Variants in RASGRF1 observed in about 807,000 individuals in gnomAD.
RASGRF1 encodes ras-specific guanine nucleotide-releasing factor 1.
In RASGRF1, 40 loss-of-function variants were observed where a neutral mutation model predicts 138.7. That is an observed-to-expected ratio of 0.29 (90% confidence interval 0.22 to 0.38). RASGRF1 has a LOEUF of 0.38. Among genes scored for constraint, RASGRF1 ranks in the 10% least tolerant of loss-of-function variants. RASGRF1 has a pLI of 1.00. For missense variants in RASGRF1, 1,108 were observed against 1,650.4 expected, an observed-to-expected ratio of 0.67 and a Z score of 5.69; for synonymous variants, 614 against 663.2, an observed-to-expected ratio of 0.93 and a Z score of 1.14.
chr15:79,000,472 C>A (rs941855857), intron 16 of RASGRF1, among the ~76,000 whole-genome samples: 6 of 152,022 alleles, frequency 3.9e-5, no homozygotes, highest in African/African-American at 1.5e-4. Flanking sequence ...CAGTAGTCTC[C>A]TTTGAATAAT....
chr15:78,989,561 A>G (rs1233128124), intron 22 of RASGRF1, among the ~76,000 whole-genome samples: 1 of 152,206 alleles, frequency 6.6e-6, no homozygotes, highest in East Asian at 1.9e-4. Flanking sequence ...CTAACATTAA[A>G]GAGAATTAAA....
chr15:79,025,515 G>T (rs371591852), intron 9 of RASGRF1, 41 bp from the exon 10 acceptor site: 1 of 1,584,418 alleles, frequency 6.3e-7, no homozygotes. Flanking sequence ...ATCTCCTGGG[G>T]TGACCTTTGC....
chr15:78,968,035 C>T (rs2055676579), intron 26 of RASGRF1, among the ~76,000 whole-genome samples: 1 of 152,078 alleles, frequency 6.6e-6, no homozygotes, highest in Non-Finnish European at 1.5e-5. Flanking sequence ...GACATTCACA[C>T]ATTGCATTTA....
chr15:79,006,199 C>A lies in RASGRF1; in HGVS notation c.2062G>T (p.Ala688Ser). The A allele has an allele frequency of 6.2e-7, 1 of 1,614,198 alleles. No individual in the cohort carries two copies. The highest frequency in any genetic ancestry group is 1.3e-5 in the African/African-American group (1 of 75,054). Residue 688 changes from alanine (A) to serine (S), a missense_variant, in exon 14 of 27, where the codon GCC (alanine) becomes TCC (serine). Physicochemically the swap from Ala to Ser is moderately conservative, Grantham distance 99. Transcript: ENST00000558480. This position sits in a 1 kb window ranked among gnomAD's most constrained non-coding sequence, Gnocchi z 4.0. The part of the protein sequence containing the change: ...LITIYKKPIS[A>S]IPARSLELLF... ...CACCTCAGCCACCTGGCAGGAATGG[C>A]ACTGATAGGCTTCTTGTAGATGGTA...
chr15:79,027,861 T>G lies in RASGRF1; in HGVS notation c.1263-2A>C. ...TCACTTACTTCATCGTGCATTATTC[T>G]GTGGGGATGGGAAACTGCACAGTCA... On this transcript the variant is annotated splice_acceptor_variant, in intron 8 of 26. Transcript: ENST00000558480. LOFTEE classifies it high-confidence loss of function. The surrounding 1 kb of genome is among the most constrained non-coding windows in gnomAD (Gnocchi z 4.8). The G allele has an allele frequency of 6.2e-7, 1 of 1,614,212 alleles. No homozygotes were observed. Among genetic ancestry groups the G allele is most frequent in the Non-Finnish European group, 8.5e-7 (1 of 1,180,012 alleles).
intron 1 of RASGRF1, among the ~76,000 whole-genome samples, chr15:79,087,732 G>C (rs2058000515): frequency 1.3e-5 from 2 of 152,252 alleles, no homozygotes; most frequent in South Asian, 4.1e-4. Context: ...CTCAAAGATT[G>C]AGAAAAGAAA....
chr15:79,057,980 A>G (rs1377276402), intron 3 of RASGRF1, among the ~76,000 whole-genome samples: 3 of 152,232 alleles, frequency 2.0e-5, no homozygotes, highest in Admixed American at 6.5e-5. Context: ...CAGTCAATAC[A>G]GTGGCTGACA....
At chr15:78,970,350 G>A (rs954194944) in intron 26 of RASGRF1, among the ~76,000 whole-genome samples, 9 of 152,074 alleles carry the variant, frequency 5.9e-5, no homozygotes, top group East Asian at 5.8e-4. Flanking sequence ...GTGAAACTCC[G>A]TCTCTACTAA....
chr15:79,055,594 T>A (rs62011241), intron 3 of RASGRF1, among the ~76,000 whole-genome samples: 18,555 of 138,954 alleles, frequency 0.13, 1,175 homozygotes, highest in African/African-American at 0.16. Flanking sequence ...ACACACACAC[T>A]CTCTCACTCA....
chr15:79,076,520 G>A (rs1482932034), intron 1 of RASGRF1, among the ~76,000 whole-genome samples: 1 of 152,212 alleles, frequency 6.6e-6, no homozygotes, highest in African/African-American at 2.4e-5. Context: ...CCCATCTGAG[G>A]CTCCTGGGAA....
In RASGRF1 at chr15:78,986,351, C is replaced by CTTT. The variant is rs111273337; in HGVS notation, c.3217-1150_3217-1148dup. Reference sequence around the variant, plus strand: ...CATTCTTTTGCAACTTTCTAAGACTCTTTTTTTTTTTTTGAGACAGAGTCT... The same window carrying CTTT: ...CATTCTTTTGCAACTTTCTAAGACTCTTTTTTTTTTTTTTTTGAGACAGAGTCT... On this transcript the variant is annotated intron_variant, in intron 22 of 26. Transcript: ENST00000558480. Among the ~76,000 whole-genome samples, 668 of 144,672 alleles carry CTTT rather than the reference C, an allele frequency of 4.6e-3. 5 individuals carry two copies. Among genetic ancestry groups the CTTT allele is most frequent in the African/African-American group, 0.016 (624 of 39,622 alleles). The allele number at this position is 144,672 out of a possible 152,430, so 94.9% of individuals were successfully genotyped here. A position where few individuals can be genotyped will look rare whatever the true frequency, so the allele number is the denominator to read the frequency against.
At position 79,032,052 on chromosome 15, in the gene RASGRF1, C is replaced by A; in HGVS notation, c.1152+71G>T. The A allele has an allele frequency of 6.6e-7, 1 of 1,518,618 alleles. No individual in the cohort carries two copies. The highest frequency in any genetic ancestry group is 1.4e-5 in the African/African-American group (1 of 73,262). The allele number at this position is 1,518,618 out of a possible 1,614,324, so 94.1% of individuals were successfully genotyped here. A position where few individuals can be genotyped will look rare whatever the true frequency, so the allele number is the denominator to read the frequency against. On this transcript the variant is annotated intron_variant, in intron 7 of 26. Transcript: ENST00000558480. This position sits in a 1 kb window ranked among gnomAD's most constrained non-coding sequence, Gnocchi z 4.5. ...GCTGGGGTGCGTTAAGCACTGTGCC[C>A]CCACCGCCATGGTCCATCCCCCACA...
At chr15:78,998,611 G>T in intron 18 of RASGRF1, 108 bp downstream of exon 18, 2 of 921,776 alleles carry the variant, frequency 2.2e-6, no homozygotes, top group Non-Finnish European at 3.5e-6. Flanking sequence ...CTGCCCCACT[G>T]CCAGCCATCA....
chr15:79,080,430 C>T (rs2057899332), intron 1 of RASGRF1, among the ~76,000 whole-genome samples: 1 of 152,228 alleles, frequency 6.6e-6, no homozygotes, highest in South Asian at 2.1e-4. Flanking sequence ...TACATGTGAA[C>T]AGGTTCTTCC....
At chr15:78,972,343 G>A (rs189298447) in intron 25 of RASGRF1, among the ~76,000 whole-genome samples, 33 of 151,572 alleles carry the variant, frequency 2.2e-4, no homozygotes, top group Admixed American at 1.6e-3. Flanking sequence ...TGATCCACCC[G>A]CCTCAGCTCC....
chr15:78,964,827 C>T (rs755155535), intron 26 of RASGRF1, among the ~76,000 whole-genome samples: 1 of 152,098 alleles, frequency 6.6e-6, no homozygotes, highest in Non-Finnish European at 1.5e-5. Flanking sequence ...GTGATCGTCT[C>T]GTTCTTAGAA....
In RASGRF1 at chr15:79,090,690, C is replaced by A. The variant is rs929090637; in HGVS notation, c.-192G>T. The A allele has an allele frequency of 1.4e-6, 1 of 733,652 alleles. No homozygotes were observed. Among genetic ancestry groups the A allele is most frequent in the Non-Finnish European group, 2.2e-6 (1 of 464,104 alleles). The allele number at this position is 733,652 out of a possible 1,614,324, so 45.4% of individuals were successfully genotyped here. ...GCTTCTTGAATCCAGATATACCATT[C>A]CCCGCTGGAACCTCTTCTCCGCTCC... On this transcript the variant is annotated 5_prime_UTR_variant, in exon 1 of 27. Transcript: ENST00000558480.
intron 3 of RASGRF1, among the ~76,000 whole-genome samples, chr15:79,054,266 G>A (rs1323418245): frequency 1.3e-5 from 2 of 152,222 alleles, no homozygotes; most frequent in Admixed American, 6.5e-5. Flanking sequence ...TGTTTAAAGG[G>A]GAGGTTGGTG....
intron 1 of RASGRF1, among the ~76,000 whole-genome samples, chr15:79,083,754 TG>T (rs1178883399): frequency 6.6e-6 from 1 of 152,176 alleles, no homozygotes; most frequent in Non-Finnish European, 1.5e-5. Context: ...TCTGTAACTT[TG>T]AACAACTTAA....
Sources: gnomAD v4.1 joint callset for allele counts (sites outside exome capture counted in the v4.1 genomes callset) on GRCh38, gnomAD v4.1.1 for gene constraint, Gnocchi (gnomAD v3.1) non-coding constraint, MANE v1.5 for transcripts, NCBI Gene and HGNC (gene_info 2026-07-23, HGNC 2026-07-21) for gene names.